Variants in NIN observed in about 807,000 individuals in gnomAD.
NIN encodes glycogen synthase kinase 3 beta-interacting protein.
Under a neutral mutation model 257.6 loss-of-function variants are expected in NIN, and 137 were observed. That is an observed-to-expected ratio of 0.53 (90% CI 0.46 to 0.61). NIN has a LOEUF of 0.61. Among genes scored for constraint, NIN ranks in the 20% least tolerant of loss-of-function variants. The probability of loss-of-function intolerance (pLI) is 0.00; values close to 1 mark genes in which losing one functional copy is unlikely to be tolerated. For synonymous variants in NIN, 918 were observed against 919.8 expected (o/e 1.00, Z 0.04); for missense variants, 2,439 against 2,501.2 (o/e 0.98, Z 0.53).
intron 2 of NIN, among the ~76,000 whole-genome samples, chr14:50,828,139 C>T (rs1037359864): frequency 1.3e-5 from 2 of 151,024 alleles, no homozygotes; most frequent in Non-Finnish European, 2.9e-5. Flanking sequence ...ATAACAACTT[C>T]CACTTCTTAA....
At chr14:50,814,748 C>T (rs948606515) in intron 3 of NIN, among the ~76,000 whole-genome samples, 1 of 152,164 alleles carries the variant, frequency 6.6e-6, no homozygotes, top group Non-Finnish European at 1.5e-5. Context: ...ATACCTACAA[C>T]CATCTGATCT....
At chr14:50,747,808 AGCC>A (rs2041617726) in intron 22 of NIN, among the ~76,000 whole-genome samples, 181 bp downstream of exon 22, 1 of 152,124 alleles carries the variant, frequency 6.6e-6, no homozygotes, top group East Asian at 1.9e-4. Flanking sequence ...AATTAGCAAT[AGCC>A]TTTACAGATA....
At position 50,723,469 on chromosome 14, in the gene NIN, C is replaced by A; in HGVS notation, c.6396G>T (p.Arg2132Ser). ...PAPLTSTPPL[R>S]S ...AGTGTACCCTTTGGTTTGGCTATGA[C>A]CTCAAAGGAGGTGTAGAAGTCAATG... Residue 2132 changes from arginine (R) to serine (S), a missense_variant, in exon 31 of 31, where the codon AGG becomes AGT. Physicochemically the swap from Arg to Ser is moderately radical, Grantham distance 110 (BLOSUM62 -1). Transcript: ENST00000530997. The A allele has an allele frequency of 1.2e-6, 2 of 1,611,994 alleles. No homozygotes were observed. Among genetic ancestry groups the A allele is most frequent in the Non-Finnish European group, 1.7e-6 (2 of 1,179,540 alleles).
intron 25 of NIN, 65 bp downstream of exon 25, chr14:50,741,517 T>TGG: frequency 3.9e-6 from 5 of 1,283,648 alleles, no homozygotes; most frequent in Non-Finnish European, 5.2e-6. Context: ...AATAACCAAG[T>TGG]TGTCCTAAGA....
At chr14:50,821,062 T>C (rs2045192099) in intron 3 of NIN, among the ~76,000 whole-genome samples, 2 of 152,238 alleles carry the variant, frequency 1.3e-5, no homozygotes, top group South Asian at 2.1e-4. Context: ...TGTCCATCTT[T>C]TTCTCTCATC....
chr14:50,818,098 C>T lies in NIN; in HGVS notation c.183+3776G>A, dbSNP rs186498028. Among the ~76,000 whole-genome samples the T allele has an allele frequency of 1.2e-3, 175 of 151,610 alleles. 1 individual carries two copies. The highest frequency in any genetic ancestry group is 3.9e-3 in the African/African-American group (162 of 41,484). Reference sequence around the variant, plus strand: ...CAGCACTTTGGGAGGCCGAGGTGGGCGGATCACGAGGTCAGGAGATCGAGA... The same window carrying T: ...CAGCACTTTGGGAGGCCGAGGTGGGTGGATCACGAGGTCAGGAGATCGAGA... On this transcript the variant is annotated intron_variant, in intron 3 of 30. Transcript: ENST00000530997.
intron 3 of NIN, among the ~76,000 whole-genome samples, chr14:50,807,539 G>C (rs1413834774): frequency 6.6e-6 from 1 of 152,172 alleles, no homozygotes; most frequent in Non-Finnish European, 1.5e-5. Context: ...TTAGATGTAT[G>C]TAATCTCACC....
intron 9 of NIN, chr14:50,771,952 C>T (rs1157102017): frequency 4.5e-6 from 1 of 222,152 alleles, no homozygotes; most frequent in Non-Finnish European, 9.0e-6. Context: ...CACCGTTATA[C>T]TCCAGTCCAG....
chr14:50,751,187 T>C (rs183361609), intron 21 of NIN, among the ~76,000 whole-genome samples: 34 of 152,330 alleles, frequency 2.2e-4, no homozygotes, highest in Admixed American at 3.3e-4. Flanking sequence ...TCAGCATCTA[T>C]GTTGTTTCCA....
chr14:50,785,781 C>T (rs373096322), intron 5 of NIN, among the ~76,000 whole-genome samples: 6 of 152,154 alleles, frequency 3.9e-5, no homozygotes, highest in African/African-American at 1.2e-4. Flanking sequence ...TGAGTGCGCC[C>T]GGCAGGGCTG....
In NIN at chr14:50,757,488, G is replaced by GA; in HGVS notation, c.3541dup (p.Ser1181PhefsTer2). The GA allele has an allele frequency of 1.2e-6, 2 of 1,613,956 alleles. No individual in the cohort carries two copies. The highest frequency in any genetic ancestry group is 1.7e-6 in the Non-Finnish European group (2 of 1,180,000). ...GGTCTCTTCACTGTTTTCAAGCTCA[G>GA]AAAAACCCTCTACTGAAGCTTCAGA... On this transcript the variant is annotated frameshift_variant, in exon 18 of 31. Coordinates refer to ENST00000530997, the MANE Select transcript of NIN (RefSeq NM_020921.4). LOFTEE classifies it high-confidence loss of function.
chr14:50,813,540 A>G (rs561327177), intron 3 of NIN, among the ~76,000 whole-genome samples: 10 of 152,346 alleles, frequency 6.6e-5, no homozygotes, highest in African/African-American at 2.2e-4. Context: ...TCCTCTTCAC[A>G]TTTCATATGA....
intron 5 of NIN, among the ~76,000 whole-genome samples, chr14:50,787,926 TTC>T (rs1036024945): frequency 2.0e-5 from 3 of 152,184 alleles, no homozygotes; most frequent in Admixed American, 1.3e-4. Context: ...GTTATATATT[TTC>T]TGTTTCAGCA....
intron 2 of NIN, among the ~76,000 whole-genome samples, chr14:50,829,046 C>A (rs2045585482): frequency 6.6e-6 from 1 of 152,200 alleles, no homozygotes; most frequent in Admixed American, 6.5e-5. Context: ...CGATGTCCAA[C>A]CCTGTGGAAC....
At chr14:50,828,402 T>A (rs183327847) in intron 2 of NIN, among the ~76,000 whole-genome samples, 5 of 152,332 alleles carry the variant, frequency 3.3e-5, no homozygotes, top group African/African-American at 1.2e-4. Context: ...ACTTTCAGAA[T>A]CTCATAATCT....
chr14:50,829,767 G>T (rs900526549), intron 2 of NIN, among the ~76,000 whole-genome samples: 1 of 152,174 alleles, frequency 6.6e-6, no homozygotes, highest in Non-Finnish European at 1.5e-5. Context: ...CAGGGCTGGG[G>T]TTAGGGAAAT....
intron 21 of NIN, among the ~76,000 whole-genome samples, chr14:50,749,376 A>G (rs973051081): frequency 3.9e-5 from 6 of 152,236 alleles, no homozygotes; most frequent in African/African-American, 1.4e-4. Context: ...AAACCTAGGC[A>G]ATACCATTCA....
intron 2 of NIN, among the ~76,000 whole-genome samples, chr14:50,829,698 A>C (rs1193502529): frequency 6.6e-6 from 1 of 152,222 alleles, no homozygotes; most frequent in Non-Finnish European, 1.5e-5. Flanking sequence ...TGGAAACATG[A>C]TATATGGTAG....
Position 50,770,500 on chromosome 14 carries a change from C to G in NIN, c.1322G>C (p.Arg441Thr), listed in dbSNP as rs1305791437. 1.2e-6 allele frequency: 2 copies of G among 1,614,116 alleles called. No homozygotes were observed. The highest frequency in any genetic ancestry group is 1.3e-5 in the African/African-American group (1 of 74,932). ...GCCTGCCTGCTGCAGGATCTGCTCT[C>G]TCTCTTTTCGGAGTTCATTTTTTAA... is the stretch of plus-strand genomic sequence containing the variant. ...AALKNELRKE[R>T]EQILQQAGKQ... Residue 441 changes from arginine to threonine, a missense_variant, in exon 12 of 31, where the codon AGA becomes ACA. Physicochemically the swap from Arg to Thr is moderately conservative, Grantham distance 71. Around this residue, in one of 3 missense-constraint regions of NIN, gnomAD observed 2,043 missense variants for 2,050.2 expected, o/e 1.00. Transcript: ENST00000530997.
Sources: allele counts gnomAD v4.1 joint callset (sites outside exome capture counted in the v4.1 genomes callset), GRCh38; gene constraint gnomAD v4.1.1; regional missense constraint gnomAD v4.1.1; transcripts MANE v1.5; gene names NCBI Gene and HGNC (gene_info 2026-07-23, HGNC 2026-07-21).